The following MINDY1 variants were observed in gnomAD, a reference collection of about 807,000 sequenced individuals.
MINDY1 encodes MINDY lysine 48 deubiquitinase 1, also known as ubiquitin carboxyl-terminal hydrolase MINDY-1.
A neutral mutation model predicts 53.6 loss-of-function variants in MINDY1; 50 were observed. The ratio of observed to expected loss-of-function variants is 0.93; its 90% CI spans 0.74 to 1.18. The LOEUF (loss-of-function observed/expected upper bound fraction) is 1.18, where lower values mean the gene tolerates loss of function less well. Among genes scored for constraint, MINDY1 ranks in the 50% most tolerant of loss-of-function variants. The pLI is 0.00. For synonymous variants in MINDY1, 231 were observed against 234.7 expected (o/e 0.98, Z 0.14); for missense variants, 484 against 578.6 (o/e 0.84, Z 1.68).
chr1:151,001,755 T>A lies in MINDY1; in HGVS notation c.481A>T (p.Ile161Phe), dbSNP rs587644585. 28 of 1,602,764 alleles carry A rather than the reference T, an allele frequency of 1.7e-5. No individual in the cohort carries two copies. The highest frequency in any genetic ancestry group is 5.3e-5 in the Admixed American group (3 of 56,578). ...KVKLPPQKEV[I>F]TSDELMAHLG... Reference sequence around the variant, plus strand: ...TGGGCCATGAGCTCATCCGATGTGATCACTTCCTTCTGCGGGGGGAGCTTC... The same window carrying A: ...TGGGCCATGAGCTCATCCGATGTGAACACTTCCTTCTGCGGGGGGAGCTTC... The change falls in exon 3 of 10, where the codon ATC (isoleucine) becomes TTC (phenylalanine). Residue 161 changes from isoleucine to phenylalanine, a missense_variant. Ile to Phe is a conservative substitution (Grantham distance 21). Transcript: ENST00000683666.
rs898788702 is a variant in MINDY1, at chr1:151,006,331, T to C, written c.-109A>G. ...TTTTACCTTAAAGAAGGGGGTGCTGTTCCAAGATTGAGAAGGAGGGTTCAG... is the reference window on the plus strand; with the variant it reads ...TTTTACCTTAAAGAAGGGGGTGCTGCTCCAAGATTGAGAAGGAGGGTTCAG... On this transcript the variant is annotated 5_prime_UTR_variant, in exon 1 of 10. Coordinates refer to ENST00000683666, the MANE Select transcript of MINDY1 (RefSeq NM_001376665.1). The C allele has an allele frequency of 1.5e-5, 21 of 1,412,362 alleles. No homozygotes were observed. The highest frequency in any genetic ancestry group is 1.9e-5 in the Non-Finnish European group (21 of 1,083,760). 87.5% of individuals were successfully genotyped at this position (1,412,362 alleles called of 1,614,324 possible).
Position 151,002,221 on chromosome 1 carries a change from T to G in MINDY1, c.397A>C (p.Thr133Pro), listed in dbSNP as rs751356541. 1 of 1,614,130 alleles carries G rather than the reference T, an allele frequency of 6.2e-7. No homozygotes were observed. Among genetic ancestry groups the G allele is most frequent in the South Asian group, 1.1e-5 (1 of 91,082 alleles). Residue 133 changes from threonine to proline, a missense_variant, in exon 2 of 10, where the codon ACT becomes CCT. Transcript: ENST00000683666. This position sits in a 1 kb window ranked among gnomAD's most constrained non-coding sequence, Gnocchi z 4.1. Reference sequence around the variant, plus strand: ...GCAAGGAGAGGGCAAGGGCCGTTAGTGCTCTGGGTGATGATGGGTGTCTGT... The same window carrying G: ...GCAAGGAGAGGGCAAGGGCCGTTAGGGCTCTGGGTGATGATGGGTGTCTGT... ...GEQTPIITQS[T>P]NGPCPLLAIM...
chr1:151,008,161 G>T, upstream of MINDY1: 1 of 827,318 alleles, frequency 1.2e-6, no homozygotes, highest in Non-Finnish European at 1.5e-6. Flanking sequence ...CCAGATGCTC[G>T]GTGTGATATA....
At position 150,998,194 on chromosome 1, in the gene MINDY1, T is replaced by C. The variant is rs1190398407; in HGVS notation, c.1061A>G (p.Asp354Gly). ...QVVWESLHNV[D>G]GDSCFCDSDF... Reference sequence around the variant, plus strand: ...AGAGTCACAAAAGCAGCTGTCTCCATCCACATTGTGCAGGCTCTCCCATAC... The same window carrying C: ...AGAGTCACAAAAGCAGCTGTCTCCACCCACATTGTGCAGGCTCTCCCATAC... The change falls in exon 8 of 10, where the codon GAT becomes GGT. Residue 354 changes from aspartate to glycine, a missense_variant. By Grantham distance (94) the Asp-to-Gly change is moderately conservative. Transcript: ENST00000683666. 1 of 1,614,036 alleles carries C rather than the reference T, an allele frequency of 6.2e-7. No homozygotes were observed. The highest frequency in any genetic ancestry group is 2.2e-5 in the East Asian group (1 of 44,894).
At position 151,006,806 on chromosome 1, in the gene MINDY1, TC is replaced by T. The variant is rs1673281419; in HGVS notation, c.-585del. The T allele has an allele frequency of 1.0e-6, 1 of 985,418 alleles. No individual in the cohort carries two copies. Among genetic ancestry groups the T allele is most frequent in the African/African-American group, 1.7e-5 (1 of 57,230 alleles). 61.0% of individuals were successfully genotyped at this position (985,418 alleles called of 1,614,324 possible). A position where few individuals can be genotyped will look rare whatever the true frequency, so the allele number is the denominator to read the frequency against. On this transcript the variant is annotated 5_prime_UTR_variant, in exon 1 of 10. Transcript: ENST00000683666. The stretch of plus-strand genomic sequence containing the variant: ...TCTGACCCGGTCAGCAGCTTTGTGA[TC>T]AGCAGAGAGGGAGCGAGAAACAGGA...
intron 7 of MINDY1, 67 bp from the exon 8 acceptor site, chr1:150,998,340 C>A: frequency 6.9e-7 from 1 of 1,458,318 alleles, no homozygotes. Flanking sequence ...TGCCAGAAAT[C>A]TCGGTATGAG....
At chr1:151,003,361 A>G (rs587693433) in intron 1 of MINDY1, among the ~76,000 whole-genome samples, 1 of 152,198 alleles carries the variant, frequency 6.6e-6, no homozygotes, top group South Asian at 2.1e-4. Flanking sequence ...GAAGTCTTCC[A>G]CCTCAAAGGG....
At chr1:151,001,808 G>A (rs1339832969) in intron 2 of MINDY1, 26 bp from the exon 3 acceptor site, 2 of 1,576,180 alleles carry the variant, frequency 1.3e-6, no homozygotes, top group East Asian at 2.3e-5. Context: ...GTGATCACGT[G>A]TGTGCTTTCC....
chr1:150,997,670 TG>T lies in MINDY1; in HGVS notation c.1282del (p.Gln428ArgfsTer60). The T allele has an allele frequency of 6.2e-7, 1 of 1,613,016 alleles. No homozygotes were observed. The highest frequency in any genetic ancestry group is 1.1e-5 in the South Asian group (1 of 91,090). On this transcript the variant is annotated frameshift_variant, in exon 9 of 10. Transcript: ENST00000683666. LOFTEE classifies it low-confidence loss of function (END_TRUNC). ...QLQQEEYQQQ[Q>X]AAQPVRMRTR... The stretch of plus-strand genomic sequence containing the variant: ...CCGCATCCGCACTGGCTGCGCTGCC[TG>T]CTGCTGTTGATACTCCTCTTGCTGA...
At chr1:151,008,320 G>C, upstream of MINDY1, 1 of 1,310,560 alleles carries the variant, frequency 7.6e-7, no homozygotes, top group South Asian at 1.6e-5. Flanking sequence ...TTGCGGAGTT[G>C]CGGGACTACG....
rs1350151251 is a variant in MINDY1, at chr1:151,001,277, T to C, written c.549A>G (p.Ser183=). 2.0e-5 allele frequency: 32 copies of C among 1,614,218 alleles called. No homozygotes were observed. Among genetic ancestry groups the C allele is most frequent in the Non-Finnish European group, 2.4e-5 (28 of 1,180,034 alleles). ...CLLSIKPQEK[S]EGLQLNFQQN... is the part of the protein sequence containing the mutation. ...GCTGAAAATTAAGCTGAAGTCCCTC[T>C]GACTTCTCCTGGGGCTTGATGGACA... Residue 183 remains serine (S), a synonymous_variant, in exon 4 of 10, where the codon TCA becomes TCG. Transcript: ENST00000683666.
chr1:150,997,496 G>C (rs769197920), intron 9 of MINDY1, 128 bp downstream of exon 9: 1 of 1,556,344 alleles, frequency 6.4e-7, no homozygotes, highest in South Asian at 1.2e-5. Context: ...CCAGGGGAGA[G>C]GGACAGGCAG....
chr1:150,998,215 C>T lies in MINDY1; in HGVS notation c.1040G>A (p.Trp347Ter). 1 of 1,614,192 alleles carries T rather than the reference C, an allele frequency of 6.2e-7. No homozygotes were observed. The highest frequency in any genetic ancestry group is 8.5e-7 in the Non-Finnish European group (1 of 1,180,040). ...QGFLQEEQVV[W>*]ESLHNVDGDS... Reference sequence around the variant, plus strand: ...TCCATCCACATTGTGCAGGCTCTCCCATACGACTTGCTCCTCCTGTAGAAA... The same window carrying T: ...TCCATCCACATTGTGCAGGCTCTCCTATACGACTTGCTCCTCCTGTAGAAA... The change falls in exon 8 of 10, where the codon TGG (tryptophan) becomes TAG (stop). Residue 347 changes from tryptophan to a stop codon, truncating the protein, a stop_gained. Transcript: ENST00000683666. LOFTEE classifies it high-confidence loss of function.
chr1:150,998,701 A>T (rs776169230), intron 7 of MINDY1, among the ~76,000 whole-genome samples: 4 of 152,180 alleles, frequency 2.6e-5, no homozygotes, highest in Middle Eastern at 3.2e-3. Flanking sequence ...CTTGGGGGGA[A>T]GAAAGGGATG....
intron 1 of MINDY1, among the ~76,000 whole-genome samples, chr1:151,005,200 C>A (rs1673039635): frequency 6.6e-6 from 1 of 151,802 alleles, no homozygotes; most frequent in Admixed American, 6.6e-5. Flanking sequence ...CACCTGTATC[C>A]CAGCACTTTG....
chr1:150,997,091 A>T lies in MINDY1; in HGVS notation c.*196T>A, dbSNP rs771202. The T allele has an allele frequency of 3.2e-6, 2 of 619,398 alleles. No homozygotes were observed. Among genetic ancestry groups the T allele is most frequent in the South Asian group, 2.0e-5 (1 of 51,036 alleles). 38.4% of individuals were successfully genotyped at this position (619,398 alleles called of 1,614,324 possible). A position where few individuals can be genotyped will look rare whatever the true frequency, so the allele number is the denominator to read the frequency against. ...CCCACCAATCCTAGTGTTGCCCTGG[A>T]TGGGAGGCAGAGAAGGCAGCAGCAC... is the stretch of plus-strand genomic sequence containing the variant. On this transcript the variant is annotated 3_prime_UTR_variant, in exon 10 of 10. Transcript: ENST00000683666.
At position 150,999,479 on chromosome 1, in the gene MINDY1, C is replaced by T. The variant is rs761009150; in HGVS notation, c.871G>A (p.Ala291Thr). The change falls in exon 7 of 10, where the codon GCG (alanine) becomes ACG (threonine). Residue 291 changes from alanine (A) to threonine (T), a missense_variant. Ala to Thr is a moderately conservative substitution (Grantham distance 58). Coordinates refer to ENST00000683666, the MANE Select transcript of MINDY1 (RefSeq NM_001376665.1). The surrounding 1 kb of genome is among the most constrained non-coding windows in gnomAD (Gnocchi z 4.4). ...LIAEQFLETT[A>T]AQLTYHGLCE... ...AGTCCGTGGTAGGTCAGCTGGGCCG[C>T]GGTGGTCTCCAGGAACTGCTCTGCA... 40 of 1,613,976 alleles carry T rather than the reference C, an allele frequency of 2.5e-5. No individual in the cohort carries two copies. Among genetic ancestry groups the T allele is most frequent in the East Asian group, 4.5e-5 (2 of 44,882 alleles).
chr1:151,000,567 C>G lies in MINDY1; in HGVS notation c.625G>C (p.Asp209His). 2.5e-6 allele frequency: 4 copies of G among 1,614,112 alleles called. No individual in the cohort carries two copies. Among genetic ancestry groups the G allele is most frequent in the Non-Finnish European group, 3.4e-6 (4 of 1,180,010 alleles). The change falls in exon 5 of 10, where the codon GAT (aspartate) becomes CAT (histidine). Residue 209 changes from aspartate (D) to histidine (H), a missense_variant. By Grantham distance (81) the Asp-to-His change is moderately conservative (BLOSUM62 -1). Transcript: ENST00000683666. Reference sequence around the variant, plus strand: ...ACGCCTGTGAATCGCACATTGACATCCAGACCTGTGGCCAGTTTAGGCAGC... The same window carrying G: ...ACGCCTGTGAATCGCACATTGACATGCAGACCTGTGGCCAGTTTAGGCAGC... ...TVLPKLATGLDVNVRFTGVSD... is the reference protein window; with the variant it reads ...TVLPKLATGLHVNVRFTGVSD...
Position 150,999,990 on chromosome 1 carries a change from A to C in MINDY1, c.736-26T>G, listed in dbSNP as rs755468630. Reference sequence around the variant, plus strand: ...CTGCTTGGGTAGTGGGATGTGGGATACCAAAAAAATTGGGATTTTTTTTTC... The same window carrying C: ...CTGCTTGGGTAGTGGGATGTGGGATCCCAAAAAAATTGGGATTTTTTTTTC... On this transcript the variant is annotated intron_variant, in intron 5 of 9. Transcript: ENST00000683666. This position sits in a 1 kb window ranked among gnomAD's most constrained non-coding sequence, Gnocchi z 4.4. 24 of 1,577,510 alleles carry C rather than the reference A, an allele frequency of 1.5e-5. No homozygotes were observed. Among genetic ancestry groups the C allele is most frequent in the Non-Finnish European group, 2.0e-5 (23 of 1,150,660 alleles).
Sources: allele counts gnomAD v4.1 joint callset (sites outside exome capture counted in the v4.1 genomes callset), GRCh38; gene constraint gnomAD v4.1.1; non-coding constraint Gnocchi (gnomAD v3.1); transcripts MANE v1.5; gene names NCBI Gene and HGNC (gene_info 2026-07-23, HGNC 2026-07-21).